The following TENM2 variants were observed in gnomAD, a reference collection of about 807,000 sequenced individuals.
TENM2 encodes teneurin transmembrane protein 2.
In TENM2, 52 loss-of-function variants were observed where a neutral mutation model predicts 245.2. The observed-to-expected ratio is 0.21, with a 90% confidence interval of 0.17 to 0.27. The LOEUF is 0.27. Ranked by LOEUF, TENM2 falls within the 10% of genes least tolerant of loss-of-function variation. The pLI is 1.00. For synonymous variants in TENM2, 1,363 were observed against 1,438.9 expected (o/e 0.95, Z 1.19); for missense variants, 3,046 against 3,666.8 (o/e 0.83, Z 4.37).
At chr5:168,210,773 C>G (rs1762747318) in intron 19 of TENM2, among the ~76,000 whole-genome samples, 1 of 152,180 alleles carries the variant, frequency 6.6e-6, no homozygotes, top group Admixed American at 6.5e-5. Context: ...TGAAGCCTTT[C>G]TCCTCAACTG....
chr5:168,158,829 G>GTGTGTATATA (rs1397260649), intron 12 of TENM2, among the ~76,000 whole-genome samples: 80 of 63,730 alleles, frequency 1.3e-3, no homozygotes, highest in African/African-American at 4.4e-3. Context: ...GTGTGTGTGT[G>GTGTGTATATA]TATATATATA....
chr5:167,899,547 C>T (rs1016464080), intron 3 of TENM2, among the ~76,000 whole-genome samples: 2 of 152,210 alleles, frequency 1.3e-5, no homozygotes, highest in African/African-American at 4.8e-5. Context: ...GATGAGGTAA[C>T]AGAGATTTTA....
intron 4 of TENM2, among the ~76,000 whole-genome samples, chr5:167,960,546 T>G (rs1351719126): frequency 6.9e-6 from 1 of 144,258 alleles, no homozygotes; most frequent in Admixed American, 6.8e-5. Context: ...CCCCCCTCCC[T>G]CCCACCAAGC....
intron 12 of TENM2, among the ~76,000 whole-genome samples, chr5:168,135,771 A>G (rs984478212): frequency 6.6e-6 from 1 of 152,192 alleles, no homozygotes; most frequent in Non-Finnish European, 1.5e-5. Flanking sequence ...ACATATTTTC[A>G]TTGTAATCAG....
chr5:167,164,059 C>CT, the TENM2 span, among the ~76,000 whole-genome samples: 33 of 151,478 alleles, frequency 2.2e-4, no homozygotes, highest in African/African-American at 5.3e-4. Flanking sequence ...AAAGTAAACC[C>CT]TTTTTTTTTC....
chr5:167,489,281 C>T (rs1030190361), intron 2 of TENM2, among the ~76,000 whole-genome samples: 2 of 152,174 alleles, frequency 1.3e-5, no homozygotes, highest in Non-Finnish European at 2.9e-5. Context: ...CAATCTGGCT[C>T]TACTGACCTT....
intron 7 of TENM2, among the ~76,000 whole-genome samples, chr5:168,069,203 G>C (rs181644320): frequency 1.3e-5 from 2 of 152,154 alleles, no homozygotes; most frequent in African/African-American, 4.8e-5. Flanking sequence ...GCAATTGCTT[G>C]TATGACTTTA....
chr5:167,881,042 C>T (rs1254686204), intron 3 of TENM2, among the ~76,000 whole-genome samples: 1 of 152,132 alleles, frequency 6.6e-6, no homozygotes, highest in Non-Finnish European at 1.5e-5. Context: ...CATCTGGCCC[C>T]TAATATCCAT....
At chr5:168,033,162 A>G (rs965477552) in intron 5 of TENM2, 10 of 152,228 alleles carry the variant, frequency 6.6e-5, no homozygotes, top group Admixed American at 2.6e-4. Flanking sequence ...CCTGTCTACT[A>G]TAAGTCTTTG....
the TENM2 span, among the ~76,000 whole-genome samples, chr5:167,005,572 A>T: frequency 1.6e-4 from 25 of 151,856 alleles, no homozygotes; most frequent in African/African-American, 3.4e-4. Context: ...GCTAGTTTTT[A>T]AAAAAAGGAA....
the TENM2 span, among the ~76,000 whole-genome samples, chr5:167,116,869 C>A: frequency 6.6e-6 from 1 of 152,186 alleles, no homozygotes; most frequent in East Asian, 1.9e-4. Context: ...AACAAATGTT[C>A]AGGCTATCTT....
At chr5:167,747,562 T>G (rs1761677515) in intron 2 of TENM2, among the ~76,000 whole-genome samples, 1 of 152,214 alleles carries the variant, frequency 6.6e-6, no homozygotes, top group Admixed American at 6.5e-5. Flanking sequence ...ATGTGAATAC[T>G]TTTGCCACAT....
chr5:168,144,581 T>C (rs996452595), intron 12 of TENM2, among the ~76,000 whole-genome samples: 3 of 151,404 alleles, frequency 2.0e-5, no homozygotes, highest in African/African-American at 7.3e-5. Context: ...AGTCTATCAT[T>C]GTTGGACATT....
chr5:167,193,541 C>T, the TENM2 span, among the ~76,000 whole-genome samples: 21 of 151,978 alleles, frequency 1.4e-4, no homozygotes, highest in African/African-American at 4.8e-4. Context: ...TATAGGATGG[C>T]TTCTCTATTT....
intron 2 of TENM2, among the ~76,000 whole-genome samples, chr5:167,857,246 C>A (rs1250935955): frequency 1.3e-5 from 2 of 152,178 alleles, no homozygotes; most frequent in African/African-American, 4.8e-5. Flanking sequence ...TTTTTCGTAG[C>A]CAAATTCAGC....
At chr5:168,214,114 T>C (rs1762994632) in intron 20 of TENM2, among the ~76,000 whole-genome samples, 1 of 152,152 alleles carries the variant, frequency 6.6e-6, no homozygotes, top group South Asian at 2.1e-4. Flanking sequence ...CCTGACACAG[T>C]CAAATGACTT....
intron 27 of TENM2, among the ~76,000 whole-genome samples, chr5:168,259,478 C>T (rs548861129): frequency 4.5e-4 from 69 of 152,278 alleles, no homozygotes; most frequent in Middle Eastern, 6.8e-3. Context: ...ATCCCAGCTA[C>T]TTGGGAGGCT....
the TENM2 span, among the ~76,000 whole-genome samples, chr5:167,234,528 C>G: frequency 2.0e-5 from 3 of 152,096 alleles, no homozygotes; most frequent in African/African-American, 7.2e-5. Flanking sequence ...CAACAGTAAC[C>G]CATTTCTTAG....
At chr5:167,809,920 G>T (rs989843568) in intron 2 of TENM2, among the ~76,000 whole-genome samples, 5 of 152,130 alleles carry the variant, frequency 3.3e-5, no homozygotes, top group African/African-American at 1.2e-4. Context: ...ATCTTGGTGC[G>T]CCATGCCAGG....
Sources: allele counts gnomAD v4.1 joint callset (sites outside exome capture counted in the v4.1 genomes callset), GRCh38; gene constraint gnomAD v4.1.1; transcripts MANE v1.5; gene names NCBI Gene and HGNC (gene_info 2026-07-23, HGNC 2026-07-21).